PSTPIP1: variants seen among roughly 807,000 people sequenced by gnomAD.
PSTPIP1 encodes proline-serine-threonine phosphatase interacting protein 1, also known as proline-serine-threonine phosphatase-interacting protein 1.
In PSTPIP1, 66 loss-of-function variants were observed where a neutral mutation model predicts 69.6. The observed-to-expected ratio is 0.95, with a 90% CI of 0.78 to 1.16. PSTPIP1 has a LOEUF of 1.16. Among genes scored for constraint, PSTPIP1 ranks in the 50% most tolerant of loss-of-function variants. The pLI, the probability that PSTPIP1 is intolerant of heterozygous loss-of-function variation, is 0.00. For synonymous variants in PSTPIP1, 266 were observed against 222.7 expected, an observed-to-expected ratio of 1.19 and a Z score of -1.73; for missense variants, 603 against 557.4, an observed-to-expected ratio of 1.08 and a Z score of -0.82.
intron 11 of PSTPIP1, 69 bp downstream of exon 11, chr15:77,032,463 C>A: frequency 2.0e-6 from 3 of 1,525,638 alleles, no homozygotes; most frequent in Non-Finnish European, 1.8e-6. Flanking sequence ...CGGCCCTGAG[C>A]CTCAAGTGCC....
chr15:77,031,440 C>T, intron 10 of PSTPIP1, 162 bp downstream of exon 10: 1 of 652,664 alleles, frequency 1.5e-6, no homozygotes, highest in South Asian at 1.7e-5. Flanking sequence ...CCCCAGAACC[C>T]CAAGACAGGA....
chr15:77,012,112 GCCATCCATCCATCCATCCATCCAT>G (rs566088503), intron 1 of PSTPIP1, among the ~76,000 whole-genome samples: 2 of 88,462 alleles, frequency 2.3e-5, no homozygotes, highest in Admixed American at 1.3e-4. Flanking sequence ...GAGGGCTCTG[GCCATCCATCCATCCATCCATCCAT>G]CCATCCATCC....
intron 12 of PSTPIP1, among the ~76,000 whole-genome samples, chr15:77,033,446 TGGG>T (rs1165774763): frequency 6.6e-6 from 1 of 152,160 alleles, no homozygotes; most frequent in Non-Finnish European, 1.5e-5. Flanking sequence ...CCCTGAGTGT[TGGG>T]GTCAGATTCA....
chr15:77,022,715 C>A (rs1009163232), intron 3 of PSTPIP1, among the ~76,000 whole-genome samples: 1 of 152,220 alleles, frequency 6.6e-6, no homozygotes, highest in African/African-American at 2.4e-5. Context: ...GAAATTTCAT[C>A]TGGGGCCAAG....
chr15:77,031,421 A>G (rs1266556058), intron 10 of PSTPIP1, 143 bp downstream of exon 10: 1 of 810,444 alleles, frequency 1.2e-6, no homozygotes, highest in South Asian at 1.5e-5. Flanking sequence ...TCAGCAGCTC[A>G]GCCTTTGCCC....
rs759917096 is a variant in PSTPIP1, at chr15:77,027,814, G to A, written c.355-38G>A. 6.4e-7 allele frequency: 1 copy of A among 1,550,580 alleles called. No homozygotes were observed. The highest frequency in any genetic ancestry group is 1.2e-5 in the South Asian group (1 of 83,962). ...TCTTGGCCTAGGGGAGCCTCCCGAG[G>A]CCGCGGCCCTCGGCTCAGAACCTCG... is the stretch of plus-strand genomic sequence containing the variant. On this transcript the variant is annotated intron_variant, in intron 5 of 14. Transcript: ENST00000558012. The surrounding 1 kb of genome is among the most constrained non-coding windows in gnomAD (Gnocchi z 4.3).
At chr15:77,007,163 C>T (rs570726391) in intron 1 of PSTPIP1, among the ~76,000 whole-genome samples, 9 of 152,278 alleles carry the variant, frequency 5.9e-5, no homozygotes, top group East Asian at 5.8e-4. Flanking sequence ...TATGACATCT[C>T]GGCTTCCTTG....
At chr15:77,000,790 C>T (rs1010874326) in intron 1 of PSTPIP1, among the ~76,000 whole-genome samples, 3 of 152,202 alleles carry the variant, frequency 2.0e-5, no homozygotes, top group Non-Finnish European at 4.4e-5. Context: ...AATCCTCCTG[C>T]CTTGGCTTCC....
At chr15:77,035,421 G>A (rs1255138202) in intron 12 of PSTPIP1, 87 bp from the exon 13 acceptor site, 3 of 1,392,674 alleles carry the variant, frequency 2.2e-6, no homozygotes, top group Non-Finnish European at 3.0e-6. Flanking sequence ...GTGCAGCTCT[G>A]AGACCTCTCC....
At chr15:77,007,612 T>C (rs78154879) in intron 1 of PSTPIP1, among the ~76,000 whole-genome samples, 1 of 150,784 alleles carries the variant, frequency 6.6e-6, no homozygotes, top group Admixed American at 6.6e-5. Flanking sequence ...TTTTTTTTTT[T>C]GAGATGGACT....
In PSTPIP1 at chr15:77,032,434, T is replaced by C. The variant is rs77968440; in HGVS notation, c.838+40T>C. ...GCGGACAGCGCAGCCTCTAGGTGCA[T>C]TGAGCCCCTGGGAAGGCCCGGCCCT... On this transcript the variant is annotated intron_variant, in intron 11 of 14. Transcript: ENST00000558012. 5,514 of 1,600,438 alleles carry C rather than the reference T, an allele frequency of 3.4e-3. 173 individuals are homozygous for C. The African/African-American group carries it at 0.061, about 18-fold the overall frequency.
chr15:76,994,809 G>C, upstream of PSTPIP1: 2 of 1,289,146 alleles, frequency 1.6e-6, no homozygotes, highest in South Asian at 1.2e-5. Context: ...AGATGCCCTA[G>C]ACCTGGGTAA....
chr15:77,032,200 G>C (rs2076434384), intron 10 of PSTPIP1, 98 bp from the exon 11 acceptor site: 5 of 1,246,772 alleles, frequency 4.0e-6, no homozygotes, highest in Non-Finnish European at 1.1e-6. Flanking sequence ...ACAATGGCCT[G>C]TGAGGAGGCC....
chr15:77,025,675 G>A, intron 5 of PSTPIP1, 71 bp downstream of exon 5: 11 of 1,345,208 alleles, frequency 8.2e-6, no homozygotes, highest in Non-Finnish European at 1.1e-5. Context: ...GGGGGTAGGG[G>A]GCTGACCTTC....
intron 1 of PSTPIP1, among the ~76,000 whole-genome samples, chr15:77,011,897 G>A (rs2075942224): frequency 6.6e-6 from 1 of 152,026 alleles, no homozygotes; most frequent in Non-Finnish European, 1.5e-5. Flanking sequence ...TCCTGGAGTT[G>A]GCCTCCCTGT....
At chr15:77,008,049 A>T (rs1382784206) in intron 1 of PSTPIP1, 1 of 456,490 alleles carries the variant, frequency 2.2e-6, no homozygotes, top group African/African-American at 2.0e-5. Context: ...GACCCAGAAC[A>T]GCTGAGGATG....
chr15:77,029,671 G>GGCTGCACAATCATGGGC (rs1320848708), intron 8 of PSTPIP1, 97 bp downstream of exon 8: 1 of 1,359,254 alleles, frequency 7.4e-7, no homozygotes, highest in African/African-American at 1.5e-5. Context: ...CACTCCCCCT[G>GGCTGCACAATCATGGGC]GCTGCACAAT....
chr15:77,020,051 TG>T (rs2076130673), intron 3 of PSTPIP1, among the ~76,000 whole-genome samples: 1 of 150,946 alleles, frequency 6.6e-6, no homozygotes, highest in Non-Finnish European at 1.5e-5. Flanking sequence ...CAGGCTGGAG[TG>T]GGTCTGTGTG....
rs528260508 is a variant in PSTPIP1 at position 77,025,488 on chromosome 15, C to T, written c.248-10C>T. 1 of 1,565,618 alleles carries T rather than the reference C, an allele frequency of 6.4e-7. No individual in the cohort carries two copies. The highest frequency in any genetic ancestry group is 1.9e-5 in the Admixed American group (1 of 51,740). On this transcript the variant is annotated splice_polypyrimidine_tract_variant and intron_variant, in intron 4 of 14. Coordinates refer to ENST00000558012, the MANE Select transcript of PSTPIP1 (RefSeq NM_003978.5). ...GACACTGGGGACCAGTATCCATGCT[C>T]TGCCCCCAGAAATGGAGAATGTGGG... is the stretch of plus-strand genomic sequence containing the variant.
Sources: gnomAD v4.1 joint callset for allele counts (sites outside exome capture counted in the v4.1 genomes callset) on GRCh38, gnomAD v4.1.1 for gene constraint, Gnocchi (gnomAD v3.1) non-coding constraint, MANE v1.5 for transcripts, NCBI Gene and HGNC (gene_info 2026-07-23, HGNC 2026-07-21) for gene names.